The following CAPN14 variants were observed in gnomAD, a reference collection of about 807,000 sequenced individuals.
The protein encoded by CAPN14 is calpain 14, also known as calpain-14.
A neutral mutation model predicts 101.3 loss-of-function variants in CAPN14; 94 were observed. The observed-to-expected ratio is 0.93, with a 90% confidence interval of 0.79 to 1.10. CAPN14 has a LOEUF of 1.10. Among genes scored for constraint, CAPN14 ranks in the 50% least tolerant of loss-of-function variants. CAPN14 has a pLI of 0.00. For synonymous variants in CAPN14, 338 were observed against 317.9 expected (o/e 1.06, Z -0.67); for missense variants, 837 against 828.4 (o/e 1.01, Z -0.13).
chr2:31,202,947 A>T, intron 3 of CAPN14, 123 bp downstream of exon 3: 2 of 739,858 alleles, frequency 2.7e-6, no homozygotes, highest in Non-Finnish European at 2.2e-6. Flanking sequence ...GCCAGTGAAT[A>T]GCCATTTTGG....
At position 31,197,396 on chromosome 2, in the gene CAPN14, G is replaced by A. The variant is rs1209894500; in HGVS notation, c.790-62C>T. 3.5e-6 allele frequency: 4 copies of A among 1,154,882 alleles called. No individual in the cohort carries two copies. In the South Asian group the frequency reaches 4.0e-5, roughly 12 times the overall value. 71.5% of individuals were successfully genotyped at this position (1,154,882 alleles called of 1,614,324 possible). A position where few individuals can be genotyped will look rare whatever the true frequency, so the allele number is the denominator to read the frequency against. ...GAGTGCAAACATTCCAGAGATCTGA[G>A]TGAGACTCGGGCCTGGAGCTGAGCA... On this transcript the variant is annotated intron_variant, in intron 7 of 21. Transcript: ENST00000403897.
intron 7 of CAPN14, among the ~76,000 whole-genome samples, chr2:31,198,822 G>A (rs149112191): frequency 3.7e-4 from 56 of 152,106 alleles, no homozygotes; most frequent in African/African-American, 1.2e-3. Context: ...TGCCCTTCTC[G>A]CCCCGTGCAA....
At chr2:31,227,660 G>C (rs930739507) in intron 1 of CAPN14, among the ~76,000 whole-genome samples, 1 of 152,128 alleles carries the variant, frequency 6.6e-6, no homozygotes, top group Admixed American at 6.5e-5. Flanking sequence ...TCTTACCCTG[G>C]TTTCACTGAT....
rs1489722542 is a variant in CAPN14 at position 31,200,604 on chromosome 2, G to A, written c.573C>T (p.Asp191=). 6.4e-7 allele frequency: 1 copy of A among 1,550,568 alleles called. No homozygotes were observed. Among genetic ancestry groups the A allele is most frequent in the East Asian group, 2.4e-5 (1 of 40,884 alleles). Reference sequence around the variant, plus strand: ...CTTCAGACACCTGTCCTGACTGCAAGTCTTCATAGGAACCAGAGAGCCTGG... The same window carrying A: ...CTTCAGACACCTGTCCTGACTGCAAATCTTCATAGGAACCAGAGAGCCTGG... ...AYAKLSGSYE[D]LQSGQVSEAL... is the part of the protein sequence containing the mutation. Residue 191 remains aspartate, a synonymous_variant, in exon 6 of 22, where the codon GAC becomes GAT. Coordinates refer to ENST00000403897, the MANE Select transcript of CAPN14 (RefSeq NM_001145122.2).
intron 1 of CAPN14, among the ~76,000 whole-genome samples, chr2:31,210,466 A>ATAAAATAAAG (rs1682341734): frequency 3.6e-5 from 1 of 27,526 alleles, no homozygotes; most frequent in African/African-American, 7.2e-5. Flanking sequence ...AAAACATAAA[A>ATAAAATAAAG]TAAAATAAAA....
intron 20 of CAPN14, 114 bp downstream of exon 20, chr2:31,176,912 G>A (rs1356137416): frequency 2.5e-6 from 2 of 796,636 alleles, no homozygotes; most frequent in African/African-American, 1.7e-5. Flanking sequence ...AGCTTCCCTG[G>A]TCTGCTGTTT....
Position 31,180,950 on chromosome 2 carries a change from G to C in CAPN14, c.1696C>G (p.Leu566Val), listed in dbSNP as rs1680562063. The C allele has an allele frequency of 6.4e-7, 1 of 1,551,712 alleles. No individual in the cohort carries two copies. Among genetic ancestry groups the C allele is most frequent in the South Asian group, 1.2e-5 (1 of 84,056 alleles). ...FFSLEACQGI[L>V]ALLDLNASGT... ...TGAAAGGATACGTCCAGTAAGGCCA[G>C]GATCCCCTGGCAGGCTTCCAGGCTA... The change falls in exon 17 of 22, where the codon CTG (leucine) becomes GTG (valine). Residue 566 changes from leucine to valine, a missense_variant. Leu to Val is a conservative substitution (Grantham distance 32). Transcript: ENST00000403897.
intron 21 of CAPN14, among the ~76,000 whole-genome samples, chr2:31,175,553 G>A (rs6543611): frequency 0.34 from 51,337 of 151,710 alleles, 10,238 homozygotes; most frequent in African/African-American, 0.55. Flanking sequence ...GCCAGCCACT[G>A]TGGAAGGATT....
exon 2 of CAPN14, chr2:31,226,529 G>A (rs1683028120): frequency 6.6e-6 from 1 of 152,216 alleles, no homozygotes; most frequent in South Asian, 2.1e-4. Flanking sequence ...AACACTTACA[G>A]CCCGGGAAAG....
chr2:31,181,971 C>T (rs747766101), intron 16 of CAPN14, among the ~76,000 whole-genome samples: 1,531 of 151,756 alleles, frequency 0.01, 9 homozygotes, highest in Non-Finnish European at 0.015. Flanking sequence ...TGAATAGTGC[C>T]GCAATAAACA....
At chr2:31,195,876 C>T (rs1681448627) in intron 8 of CAPN14, among the ~76,000 whole-genome samples, 1 of 151,992 alleles carries the variant, frequency 6.6e-6, no homozygotes, top group East Asian at 1.9e-4. Flanking sequence ...TTTACAATGT[C>T]CAGCATGCAA....
At position 31,199,495 on chromosome 2, in the gene CAPN14, G is replaced by A; in HGVS notation, c.764C>T (p.Ala255Val). The change falls in exon 7 of 22, where the codon GCC becomes GTC. Residue 255 changes from alanine (A) to valine (V), a missense_variant. Coordinates refer to ENST00000403897, the MANE Select transcript of CAPN14 (RefSeq NM_001145122.2). Reference protein sequence around the residue: ...ILENGLVEGHAYTLTGIRKVT... With the variant: ...ILENGLVEGHVYTLTGIRKVT... The stretch of plus-strand genomic sequence containing the variant: ...CTTCCTGATTCCTGTGAGAGTATAG[G>A]CATGGCCTTCCACCAGCCCATTCTC... 6.4e-7 allele frequency: 1 copy of A among 1,551,478 alleles called. No individual in the cohort carries two copies. The highest frequency in any genetic ancestry group is 8.7e-7 in the Non-Finnish European group (1 of 1,146,884).
At chr2:31,176,853 T>C (rs902976007) in intron 20 of CAPN14, among the ~76,000 whole-genome samples, 173 bp downstream of exon 20, 1 of 152,194 alleles carries the variant, frequency 6.6e-6, no homozygotes, top group Non-Finnish European at 1.5e-5. Context: ...AAAGATGAGT[T>C]TGGATATCTG....
chr2:31,179,593 G>C (rs936332356), intron 17 of CAPN14, among the ~76,000 whole-genome samples: 2 of 152,156 alleles, frequency 1.3e-5, no homozygotes, highest in African/African-American at 4.8e-5. Context: ...CCCAGTAATG[G>C]GATGACTGAG....
chr2:31,206,158 G>A (rs145332935), intron 1 of CAPN14, among the ~76,000 whole-genome samples: 3,843 of 151,326 alleles, frequency 0.025, 53 homozygotes, highest in South Asian at 0.043. Flanking sequence ...TCAGTCTCCC[G>A]AGTAGCTGGG....
chr2:31,232,805 T>C (rs181392377), intron 1 of CAPN14, among the ~76,000 whole-genome samples: 1 of 152,238 alleles, frequency 6.6e-6, no homozygotes, highest in South Asian at 2.1e-4. Flanking sequence ...CAAAACCATA[T>C]CAACCCCCAA....
upstream of CAPN14, among the ~76,000 whole-genome samples, chr2:31,221,719 G>A (rs76929994): frequency 6.6e-6 from 1 of 152,160 alleles, no homozygotes; most frequent in Non-Finnish European, 1.5e-5. Context: ...CGGTTGCAAG[G>A]CTTCTGTTTC....
At chr2:31,224,572 A>G (rs1682965361) in intron 2 of CAPN14, among the ~76,000 whole-genome samples, 1 of 152,182 alleles carries the variant, frequency 6.6e-6, no homozygotes, top group Non-Finnish European at 1.5e-5. Context: ...TAGCCAAAAT[A>G]TGAAATATAC....
intron 2 of CAPN14, among the ~76,000 whole-genome samples, chr2:31,224,628 ATAATCT>A (rs1267980609): frequency 9.2e-5 from 14 of 152,112 alleles, no homozygotes; most frequent in African/African-American, 3.4e-4. Flanking sequence ...GCACTGGTTG[ATAATCT>A]TTATGTAAGT....
Sources: gnomAD v4.1 joint callset for allele counts (sites outside exome capture counted in the v4.1 genomes callset) on GRCh38, gnomAD v4.1.1 for gene constraint, MANE v1.5 for transcripts, NCBI Gene and HGNC (gene_info 2026-07-23, HGNC 2026-07-21) for gene names.